Variants in CDC123 observed in about 807,000 individuals in gnomAD.
CDC123 encodes the protein cell division cycle 123, also known as translation initiation factor eIF2 assembly protein.
A neutral mutation model predicts 54.4 loss-of-function variants in CDC123; 37 were observed. The observed-to-expected ratio is 0.68, with a 90% CI of 0.52 to 0.89. The LOEUF (loss-of-function observed/expected upper bound fraction) is 0.89. Among genes scored for constraint, CDC123 ranks in the 40% least tolerant of loss-of-function variants. CDC123 has a pLI of 0.00. For missense variants in CDC123, 361 were observed against 412.1 expected (o/e 0.88, Z 1.07); for synonymous variants, 144 against 136.8 (o/e 1.05, Z -0.37).
intron 7 of CDC123, among the ~76,000 whole-genome samples, chr10:12,234,249 C>T (rs1203652544): frequency 6.6e-6 from 1 of 152,162 alleles, no homozygotes; most frequent in Non-Finnish European, 1.5e-5. Flanking sequence ...TGCCTGCCAC[C>T]ACACCTGGCT....
Position 12,196,299 on chromosome 10 carries a change from C to T in CDC123, c.54C>T (p.Phe18=), listed in dbSNP as rs1212004347. Reference sequence around the variant, plus strand: ...AGTTCTCCGCGTGGTACCCGTTCTTCCGAGGCGTTACCATCAAGAGGTGAG... The same window carrying T: ...AGTTCTCCGCGTGGTACCCGTTCTTTCGAGGCGTTACCATCAAGAGGTGAG... ...HCQFSAWYPF[F]RGVTIKSVIL... The change falls in exon 1 of 13, where the codon TTC becomes TTT. Residue 18 remains phenylalanine, a synonymous_variant. Coordinates refer to ENST00000281141, the MANE Select transcript of CDC123 (RefSeq NM_006023.3). 6.2e-7 allele frequency: 1 copy of T among 1,613,648 alleles called. No individual in the cohort carries two copies. The highest frequency in any genetic ancestry group is 8.5e-7 in the Non-Finnish European group (1 of 1,179,768).
chr10:12,249,719 GT>G lies in CDC123; in HGVS notation c.984+2del. ...CAAGCTAATAGACTTCCTTAAGCTG[GT>G]AAAGTCTATGTGCATTTAGTATGCT... On this transcript the variant is annotated splice_donor_variant, in intron 12 of 12. Coordinates refer to ENST00000281141, the MANE Select transcript of CDC123 (RefSeq NM_006023.3). LOFTEE classifies it high-confidence loss of function. The G allele has an allele frequency of 6.2e-7, 1 of 1,605,862 alleles. No homozygotes were observed. Among genetic ancestry groups the G allele is most frequent in the Non-Finnish European group, 8.5e-7 (1 of 1,177,514 alleles).
intron 2 of CDC123, among the ~76,000 whole-genome samples, chr10:12,199,353 A>G (rs1835409112): frequency 6.6e-6 from 1 of 152,246 alleles, no homozygotes; most frequent in South Asian, 2.1e-4. Context: ...AAGTCACGTT[A>G]TGAGTGTTCA....
intron 6 of CDC123, among the ~76,000 whole-genome samples, chr10:12,222,388 G>C (rs939848515): frequency 2.0e-5 from 3 of 152,220 alleles, no homozygotes; most frequent in Non-Finnish European, 4.4e-5. Flanking sequence ...GGGAGGCTGA[G>C]GTGGGTGGAT....
rs11555899 is a variant in CDC123, at chr10:12,198,747, C to T, written c.117C>T (p.Leu39=). 1.2e-5 allele frequency: 19 copies of T among 1,592,356 alleles called. No individual in the cohort carries two copies. The highest frequency in any genetic ancestry group is 2.3e-5 in the South Asian group (2 of 87,502). Residue 39 remains leucine, a synonymous_variant, in exon 2 of 13, where the codon CTC becomes CTT. Transcript: ENST00000281141. ...CTCAGAATGTGAAGGATTATTTACT[C>T]GATGATGGAACTCTGGTGGTTTCAG... The part of the protein sequence containing the change: ...PLPQNVKDYL[L]DDGTLVVSGR...
chr10:12,207,448 T>G (rs1026585411), intron 2 of CDC123, among the ~76,000 whole-genome samples: 7 of 152,154 alleles, frequency 4.6e-5, no homozygotes, highest in African/African-American at 1.7e-4. Flanking sequence ...CCATGTCCCT[T>G]TTTTCTCTCC....
intron 2 of CDC123, chr10:12,198,984 A>C (rs1835401742): frequency 2.3e-6 from 1 of 431,794 alleles, no homozygotes; most frequent in Admixed American, 4.4e-5. Flanking sequence ...ACAAGTTGTG[A>C]AATTGAGCAG....
chr10:12,243,026 C>CT (rs1205877903), intron 10 of CDC123, among the ~76,000 whole-genome samples: 41 of 151,238 alleles, frequency 2.7e-4, no homozygotes, highest in Admixed American at 5.9e-4. Flanking sequence ...TACTTAAACT[C>CT]TTTTTTTTTG....
At position 12,196,224 on chromosome 10, in the gene CDC123, C is replaced by A. The variant is rs1286762513; in HGVS notation, c.-22C>A. On this transcript the variant is annotated 5_prime_UTR_variant, in exon 1 of 13. Coordinates refer to ENST00000281141, the MANE Select transcript of CDC123 (RefSeq NM_006023.3). ...AGGGTGCAGGCAGGAGAGGGAAAGGCAGCAGCGGCGGCAGCTGGAGGATGA... is the reference window on the plus strand; with the variant it reads ...AGGGTGCAGGCAGGAGAGGGAAAGGAAGCAGCGGCGGCAGCTGGAGGATGA... 1.9e-6 allele frequency: 3 copies of A among 1,613,770 alleles called. No homozygotes were observed. The highest frequency in any genetic ancestry group is 2.7e-5 in the African/African-American group (2 of 74,884).
At chr10:12,241,604 G>A (rs146730172) in intron 10 of CDC123, among the ~76,000 whole-genome samples, 1 of 152,276 alleles carries the variant, frequency 6.6e-6, no homozygotes, top group East Asian at 1.9e-4. Context: ...TGCGTTTACA[G>A]ACTCTCATCC....
Position 12,196,208 on chromosome 10 carries a change from G to A in CDC123, c.-38G>A, listed in dbSNP as rs763958291. 7 of 1,613,640 alleles carry A rather than the reference G, an allele frequency of 4.3e-6. No homozygotes were observed. The East Asian group carries it at 1.6e-4, about 36-fold the overall frequency. ...CGCCCAGAGTTCCGGGAGGGTGCAG[G>A]CAGGAGAGGGAAAGGCAGCAGCGGC... On this transcript the variant is annotated 5_prime_UTR_variant, in exon 1 of 13. Coordinates refer to ENST00000281141, the MANE Select transcript of CDC123 (RefSeq NM_006023.3).
chr10:12,243,383 A>C (rs1836086074), intron 10 of CDC123, among the ~76,000 whole-genome samples: 1 of 120,464 alleles, frequency 8.3e-6, no homozygotes. Flanking sequence ...GGGCAACAAG[A>C]GTGAAAAAAA....
At chr10:12,222,145 C>T (rs1835745514) in intron 6 of CDC123, among the ~76,000 whole-genome samples, 1 of 152,236 alleles carries the variant, frequency 6.6e-6, no homozygotes, top group African/African-American at 2.4e-5. Context: ...CCAGGAAGCA[C>T]AAATGCTCCC....
At chr10:12,216,534 A>G (rs1160749660) in intron 5 of CDC123, among the ~76,000 whole-genome samples, 2 of 152,202 alleles carry the variant, frequency 1.3e-5, no homozygotes, top group African/African-American at 4.8e-5. Flanking sequence ...TTAAAATTTC[A>G]AATAGATTTG....
At chr10:12,237,432 TTTA>T (rs776471772) in intron 9 of CDC123, 166 bp downstream of exon 9, 283 of 494,872 alleles carry the variant, frequency 5.7e-4, no homozygotes, top group Admixed American at 1.1e-3. Flanking sequence ...TTAATTTCTT[TTTA>T]TTATTATTAT....
chr10:12,207,396 A>T (rs936112978), intron 2 of CDC123, among the ~76,000 whole-genome samples: 1 of 152,072 alleles, frequency 6.6e-6, no homozygotes, highest in Non-Finnish European at 1.5e-5. Flanking sequence ...AATGATTTTT[A>T]AAAATATCTT....
At chr10:12,206,910 A>G (rs983681720) in intron 2 of CDC123, among the ~76,000 whole-genome samples, 8 of 150,976 alleles carry the variant, frequency 5.3e-5, no homozygotes, top group African/African-American at 1.5e-4. Flanking sequence ...AATGAGCTGA[A>G]ATCACGCCAC....
chr10:12,213,912 G>A (rs74118723), intron 4 of CDC123, among the ~76,000 whole-genome samples: 7,493 of 152,200 alleles, frequency 0.049, 603 homozygotes, highest in African/African-American at 0.17. Context: ...TTGCCTGTCC[G>A]TAAGAATTAG....
At chr10:12,238,602 G>A (rs996283319) in intron 10 of CDC123, 117 bp downstream of exon 10, 55 of 1,251,286 alleles carry the variant, frequency 4.4e-5, no homozygotes, top group Non-Finnish European at 6.1e-5. Context: ...TTGTCTGGGT[G>A]CAGCAGCTCA....
Sources: gnomAD v4.1 joint callset for allele counts (sites outside exome capture counted in the v4.1 genomes callset) on GRCh38, gnomAD v4.1.1 for gene constraint, MANE v1.5 for transcripts, NCBI Gene and HGNC (gene_info 2026-07-23, HGNC 2026-07-21) for gene names.